Variants in NUP93 observed in about 807,000 individuals in gnomAD.
The protein encoded by NUP93 is nucleoporin 93.
NUP93 carries 55 observed loss-of-function variants against 107.8 expected under a neutral mutation model. That is an observed-to-expected ratio of 0.51 (90% confidence interval 0.41 to 0.64). The LOEUF (loss-of-function observed/expected upper bound fraction) is 0.64, where lower values mean the gene tolerates loss of function less well. NUP93 is among the 30% of genes least tolerant of loss of function. The pLI is 0.00. For missense variants in NUP93, 937 were observed against 1,044.7 expected (o/e 0.90, Z 1.42); for synonymous variants, 390 against 397.5 (o/e 0.98, Z 0.22).
intron 20 of NUP93, among the ~76,000 whole-genome samples, chr16:56,840,895 G>A (rs1472819021): frequency 1.3e-5 from 2 of 152,016 alleles, no homozygotes; most frequent in African/African-American, 4.8e-5. Context: ...TATTCCAGAG[G>A]CTGAGGCACG....
At chr16:56,815,293 A>G (rs550619386) in intron 5 of NUP93, among the ~76,000 whole-genome samples, 1 of 152,270 alleles carries the variant, frequency 6.6e-6, no homozygotes, top group South Asian at 2.1e-4. Context: ...TGTGTCCTGT[A>G]AAAAGACTGT....
chr16:56,806,472 C>T (rs1247503114), intron 5 of NUP93, among the ~76,000 whole-genome samples: 11 of 152,060 alleles, frequency 7.2e-5, no homozygotes, highest in African/African-American at 2.7e-4. Context: ...AAGTGTGTAG[C>T]TTCTTACTTG....
chr16:56,807,355 CTT>C (rs1963165173), intron 5 of NUP93, among the ~76,000 whole-genome samples: 1 of 152,220 alleles, frequency 6.6e-6, no homozygotes, highest in Non-Finnish European at 1.5e-5. Context: ...TTATTCAACA[CTT>C]TGCATATCCC....
chr16:56,799,339 C>A (rs1962970711), intron 4 of NUP93, among the ~76,000 whole-genome samples: 3 of 152,288 alleles, frequency 2.0e-5, no homozygotes, highest in Admixed American at 6.5e-5. Flanking sequence ...CAAAGACCAG[C>A]CATTATATGT....
At position 56,792,040 on chromosome 16, in the gene NUP93, A is replaced by G. The variant is rs148820526; in HGVS notation, c.298-6436A>G. 1.1e-4 allele frequency among the ~76,000 whole-genome samples: 17 copies of G among 152,344 alleles called. 1 individual carries two copies. Among genetic ancestry groups the G allele is most frequent in the African/African-American group, 3.8e-4 (16 of 41,582 alleles). On this transcript the variant is annotated intron_variant, in intron 3 of 21. Coordinates refer to ENST00000308159, the MANE Select transcript of NUP93 (RefSeq NM_014669.5). ...TTTATTAAAAAATGCTGATTGGGCC[A>G]GATGTGGCAAGAATGTATAATCCCA...
intron 18 of NUP93, 87 bp from the exon 19 acceptor site, chr16:56,838,865 G>GT: frequency 4.3e-6 from 4 of 932,542 alleles, no homozygotes; most frequent in Non-Finnish European, 5.1e-6. Context: ...ACACCCCACT[G>GT]TTTTTTTAAA....
chr16:56,825,041 T>C (rs1428761674), intron 8 of NUP93, among the ~76,000 whole-genome samples: 1 of 151,968 alleles, frequency 6.6e-6, no homozygotes, highest in Non-Finnish European at 1.5e-5. Context: ...TTTCTTATAC[T>C]ATATAAAAAC....
intron 3 of NUP93, among the ~76,000 whole-genome samples, chr16:56,768,713 A>G (rs1176977218): frequency 7.0e-6 from 1 of 142,548 alleles, no homozygotes. Context: ...AAAAAATACA[A>G]AAAATTAGCC....
At chr16:56,777,702 A>G (rs1311995598) in intron 3 of NUP93, among the ~76,000 whole-genome samples, 2 of 152,228 alleles carry the variant, frequency 1.3e-5, no homozygotes, top group Non-Finnish European at 2.9e-5. Flanking sequence ...GTAGTTGCAT[A>G]TAATGAGGAA....
In NUP93 at chr16:56,844,435, T is replaced by C. The variant is rs944562140; in HGVS notation, c.2350-64T>C. ...GAACATGGAATAGAGGATGGAAGAATATGGAATAGTGCCCTGACTCGAAAG... is the reference window on the plus strand; with the variant it reads ...GAACATGGAATAGAGGATGGAAGAACATGGAATAGTGCCCTGACTCGAAAG... On this transcript the variant is annotated intron_variant, in intron 21 of 21. Transcript: ENST00000308159. The C allele has an allele frequency of 3.0e-5, 29 of 958,768 alleles. No homozygotes were observed. The African/African-American group carries it at 4.5e-4, about 15-fold the overall frequency. 59.4% of individuals were successfully genotyped at this position (958,768 alleles called of 1,614,324 possible). A position where few individuals can be genotyped will look rare whatever the true frequency, so the allele number is the denominator to read the frequency against.
chr16:56,796,525 A>G (rs867273401), intron 3 of NUP93, among the ~76,000 whole-genome samples: 1 of 152,250 alleles, frequency 6.6e-6, no homozygotes, highest in Admixed American at 6.5e-5. Context: ...ACTATATACT[A>G]AAACATTACA....
chr16:56,832,722 A>G (rs1191782233), intron 12 of NUP93, among the ~76,000 whole-genome samples: 2 of 152,202 alleles, frequency 1.3e-5, no homozygotes, highest in Non-Finnish European at 1.5e-5. Context: ...CTGAGCACAA[A>G]GGAGAGAGAA....
rs145236602 is a variant in NUP93 at position 56,777,913 on chromosome 16, G to A, written c.297+19258G>A. On this transcript the variant is annotated intron_variant, in intron 3 of 21. Coordinates refer to ENST00000308159, the MANE Select transcript of NUP93 (RefSeq NM_014669.5). Reference sequence around the variant, plus strand: ...AAGTATAACTGCCTGCATCTACCTGGGCAGGGCCTAGTAGACACTAATAAA... The same window carrying A: ...AAGTATAACTGCCTGCATCTACCTGAGCAGGGCCTAGTAGACACTAATAAA... 9.8e-4 allele frequency among the ~76,000 whole-genome samples: 150 copies of A among 152,286 alleles called. 1 individual carries two copies. Among genetic ancestry groups the A allele is most frequent in the Non-Finnish European group, 1.7e-3 (116 of 68,018 alleles).
At position 56,764,796 on chromosome 16, in the gene NUP93, G is replaced by A. The variant is rs567797725; in HGVS notation, c.297+6141G>A. On this transcript the variant is annotated intron_variant, in intron 3 of 21. Coordinates refer to ENST00000308159, the MANE Select transcript of NUP93 (RefSeq NM_014669.5). ...AAAATATTAATATTGAAGGAAAAGT[G>A]CAGTAAAATTTCTTAGCTTGAATCA... Among the ~76,000 whole-genome samples, 5 of 152,314 alleles carry A rather than the reference G, an allele frequency of 3.3e-5. No individual in the cohort carries two copies. The South Asian group carries it at 1.0e-3, about 32-fold the overall frequency.
chr16:56,789,946 A>G lies in NUP93; in HGVS notation c.298-8530A>G, dbSNP rs113653337. ...AAAACCCGTCTCTACTAAAGCAGAA[A>G]ATTAGCTGGGCATGGTGGCGTGCGC... On this transcript the variant is annotated intron_variant, in intron 3 of 21. Transcript: ENST00000308159. Among the ~76,000 whole-genome samples the G allele has an allele frequency of 9.0e-3, 1,363 of 152,252 alleles. 18 individuals are homozygous for G. Among genetic ancestry groups the G allele is most frequent in the African/African-American group, 0.031 (1,285 of 41,532 alleles).
intron 3 of NUP93, among the ~76,000 whole-genome samples, chr16:56,786,645 C>CT (rs1962633718): frequency 6.6e-6 from 1 of 152,228 alleles, no homozygotes; most frequent in Non-Finnish European, 1.5e-5. Flanking sequence ...AAAATAAACT[C>CT]TATCTTGCAA....
intron 1 of NUP93, among the ~76,000 whole-genome samples, chr16:56,732,043 A>G (rs1384175840): frequency 3.9e-5 from 6 of 152,140 alleles, no homozygotes; most frequent in African/African-American, 7.2e-5. Flanking sequence ...AACGTCAGAC[A>G]TGCTTTAGCC....
intron 2 of NUP93, among the ~76,000 whole-genome samples, chr16:56,749,252 G>A (rs1157396642): frequency 6.6e-6 from 1 of 152,216 alleles, no homozygotes; most frequent in African/African-American, 2.4e-5. Context: ...TATTTACTGT[G>A]TGTTACAAGC....
chr16:56,828,629 A>G (rs1219265003), intron 8 of NUP93, among the ~76,000 whole-genome samples: 1 of 152,338 alleles, frequency 6.6e-6, no homozygotes, highest in East Asian at 1.9e-4. Flanking sequence ...TGTAGGTTTG[A>G]AAGTGTTCAA....
Sources: allele counts gnomAD v4.1 joint callset (sites outside exome capture counted in the v4.1 genomes callset), GRCh38; gene constraint gnomAD v4.1.1; transcripts MANE v1.5; gene names NCBI Gene and HGNC (gene_info 2026-07-23, HGNC 2026-07-21).